EYA2: variants seen among roughly 807,000 people sequenced by gnomAD.
EYA2 encodes the protein EYA transcriptional coactivator and phosphatase 2, also known as protein phosphatase EYA2.
A neutral mutation model predicts 69.2 loss-of-function variants in EYA2; 31 were observed. The observed-to-expected ratio is 0.45, with a 90% confidence interval of 0.34 to 0.60. The LOEUF (loss-of-function observed/expected upper bound fraction) is 0.60, where lower values mean the gene tolerates loss of function less well. Ranked by LOEUF, EYA2 falls within the 20% of genes least tolerant of loss-of-function variation. The pLI is 0.02. For missense variants in EYA2, 622 were observed against 701.2 expected (o/e 0.89, Z 1.28); for synonymous variants, 257 against 279.4 (o/e 0.92, Z 0.80).
At chr20:47,142,332 G>A (rs1382023362) in intron 9 of EYA2, among the ~76,000 whole-genome samples, 1 of 152,218 alleles carries the variant, frequency 6.6e-6, no homozygotes, top group East Asian at 1.9e-4. Flanking sequence ...ACCACACTGT[G>A]TATACAGAAA....
intron 5 of EYA2, among the ~76,000 whole-genome samples, chr20:47,052,483 C>A (rs139625548): frequency 2.6e-5 from 4 of 152,328 alleles, no homozygotes; most frequent in African/African-American, 9.6e-5. Context: ...TACTGCTGGG[C>A]ATTTACCCCA....
At position 46,982,773 on chromosome 20, in the gene EYA2, T is replaced by TC. The variant is rs1204690582; in HGVS notation, c.-10-7226dup. On this transcript the variant is annotated intron_variant, in intron 1 of 15. Coordinates refer to ENST00000327619, the MANE Select transcript of EYA2 (RefSeq NM_005244.5). Reference sequence around the variant, plus strand: ...TATTTCATTTCTCAGTTCTGTAATTTCCTTTTTTTTTTTTTTTGAGATAGA... The same window carrying TC: ...TATTTCATTTCTCAGTTCTGTAATTTCCCTTTTTTTTTTTTTTTGAGATAGA... Among the ~76,000 whole-genome samples the TC allele has an allele frequency of 4.9e-5, 6 of 122,104 alleles. No individual in the cohort carries two copies. The East Asian group carries it at 1.8e-3, about 37-fold the overall frequency. The allele number at this position is 122,104 out of a possible 152,430, so 80.1% of individuals were successfully genotyped here. A position where few individuals can be genotyped will look rare whatever the true frequency, so the allele number is the denominator to read the frequency against.
intron 10 of EYA2, chr20:47,167,003 A>G (rs1258362367): frequency 2.6e-5 from 4 of 154,774 alleles, no homozygotes; most frequent in Non-Finnish European, 5.9e-5. Flanking sequence ...CACTCATGAT[A>G]TGTTTGCCCC....
chr20:46,899,477 G>A (rs1983984266), intron 1 of EYA2, among the ~76,000 whole-genome samples: 2 of 152,116 alleles, frequency 1.3e-5, no homozygotes, highest in Admixed American at 6.5e-5. Flanking sequence ...TTATTCCTTC[G>A]ATACTAACAC....
intron 1 of EYA2, among the ~76,000 whole-genome samples, chr20:46,900,241 AT>A: frequency 6.6e-6 from 1 of 152,028 alleles, no homozygotes; most frequent in East Asian, 1.9e-4. Context: ...AAATCAACAT[AT>A]TTTTCCCCAA....
At chr20:47,016,002 G>A (rs868813774) in intron 4 of EYA2, among the ~76,000 whole-genome samples, 179 bp from the exon 5 acceptor site, 3 of 152,230 alleles carry the variant, frequency 2.0e-5, no homozygotes, top group Non-Finnish European at 2.9e-5. Flanking sequence ...TTAAAAATAT[G>A]CTGGCCAAGT....
chr20:47,089,096 A>G, intron 7 of EYA2, 143 bp from the exon 8 acceptor site: 1 of 884,796 alleles, frequency 1.1e-6, no homozygotes, highest in Non-Finnish European at 1.7e-6. Context: ...TTCCAAGGGC[A>G]GTTTTCATCC....
chr20:47,118,237 C>T (rs1260832786), intron 9 of EYA2, among the ~76,000 whole-genome samples: 1 of 152,206 alleles, frequency 6.6e-6, no homozygotes, highest in East Asian at 1.9e-4. Context: ...ATCTCTCTTC[C>T]CCCTTCCCTC....
chr20:46,962,625 T>C (rs1568689856), intron 1 of EYA2, among the ~76,000 whole-genome samples: 2 of 152,210 alleles, frequency 1.3e-5, no homozygotes, highest in African/African-American at 2.4e-5. Flanking sequence ...AGTGAGATCA[T>C]ATGTCGCCTC....
chr20:47,170,096 C>T (rs987333482), intron 11 of EYA2, among the ~76,000 whole-genome samples: 3 of 151,556 alleles, frequency 2.0e-5, no homozygotes, highest in South Asian at 2.1e-4. Flanking sequence ...TTAGTAGAGG[C>T]GGGGTTTCAC....
intron 9 of EYA2, among the ~76,000 whole-genome samples, chr20:47,098,957 C>T (rs1052815985): frequency 6.6e-5 from 10 of 152,210 alleles, no homozygotes; most frequent in Admixed American, 3.3e-4. Flanking sequence ...TCTCTCCCAT[C>T]GCTGCTGGGT....
At chr20:47,123,405 A>G (rs371611167) in intron 9 of EYA2, among the ~76,000 whole-genome samples, 46 of 152,254 alleles carry the variant, frequency 3.0e-4, no homozygotes, top group Admixed American at 6.5e-4. Flanking sequence ...ACGCACGTTT[A>G]TGTCTTTCCA....
At chr20:47,049,757 C>A (rs1297824242) in intron 5 of EYA2, among the ~76,000 whole-genome samples, 2 of 152,108 alleles carry the variant, frequency 1.3e-5, no homozygotes, top group African/African-American at 2.4e-5. Flanking sequence ...TTAAAAATTA[C>A]CCAGCTTCAG....
intron 10 of EYA2, among the ~76,000 whole-genome samples, chr20:47,166,393 TAAAAAAAAAAAAAAAAAAAAAAAAAA>T (rs370944686): frequency 2.9e-5 from 1 of 34,478 alleles, no homozygotes; most frequent in African/African-American, 7.1e-5. Flanking sequence ...CAAGACTGTC[TAAAAAAAAAAAAAAAAAAAAAAAAAA>T]AAAAAAAAAA....
At chr20:47,145,719 T>A (rs780645430) in intron 10 of EYA2, among the ~76,000 whole-genome samples, 4 of 151,900 alleles carry the variant, frequency 2.6e-5, no homozygotes, top group Non-Finnish European at 5.9e-5. Context: ...GCCAACATGA[T>A]GAAACCCTGT....
intron 5 of EYA2, among the ~76,000 whole-genome samples, chr20:47,038,358 G>T (rs1163817303): frequency 6.6e-6 from 1 of 152,146 alleles, no homozygotes. Context: ...AGGCATGGTG[G>T]CATGTACCTA....
At chr20:47,084,834 C>CTT (rs34290555) in intron 7 of EYA2, among the ~76,000 whole-genome samples, 36 of 112,438 alleles carry the variant, frequency 3.2e-4, no homozygotes, top group African/African-American at 1.1e-3. Flanking sequence ...CTGTTTCTTT[C>CTT]TTTTTTTTTT....
intron 1 of EYA2, among the ~76,000 whole-genome samples, chr20:46,976,389 G>GGTTTTGTTTGTGTGTTTATTTGTTTT (rs3092080): frequency 6.6e-6 from 1 of 151,254 alleles, no homozygotes; most frequent in Non-Finnish European, 1.5e-5. Flanking sequence ...AGAGTTTTTG[G>GGTTTTGTTTGTGTGTTTATTTGTTTT]GTTTTGTTTT....
At chr20:47,001,317 G>A in intron 2 of EYA2, 111 bp from the exon 3 acceptor site, 1 of 895,068 alleles carries the variant, frequency 1.1e-6, no homozygotes, top group Non-Finnish European at 1.9e-6. Flanking sequence ...GAAAGCCGCG[G>A]GCAGCACCCC....
Sources: allele counts gnomAD v4.1 joint callset (sites outside exome capture counted in the v4.1 genomes callset), GRCh38; gene constraint gnomAD v4.1.1; transcripts MANE v1.5; gene names NCBI Gene and HGNC (gene_info 2026-07-23, HGNC 2026-07-21).